The following SWT1 variants were observed in gnomAD, a reference collection of about 807,000 sequenced individuals.
The protein encoded by SWT1 is transcriptional protein SWT1.
A neutral mutation model predicts 107.3 loss-of-function variants in SWT1; 33 were observed. The ratio of observed to expected loss-of-function variants is 0.31; its 90% CI spans 0.23 to 0.41. The LOEUF is 0.41. SWT1 is among the 10% of genes least tolerant of loss of function. The pLI is 1.00. For missense variants in SWT1, 898 were observed against 1,028.9 expected, an observed-to-expected ratio of 0.87 and a Z score of 1.74; for synonymous variants, 345 against 348.3, an observed-to-expected ratio of 0.99 and a Z score of 0.11.
intron 18 of SWT1, among the ~76,000 whole-genome samples, chr1:185,282,379 A>C (rs1209345185): frequency 1.3e-5 from 2 of 151,652 alleles, no homozygotes; most frequent in Non-Finnish European, 2.9e-5. Context: ...GTTTGGTTAA[A>C]AAAAAAAAAT....
intron 17 of SWT1, 35 bp downstream of exon 17, chr1:185,271,424 C>T: frequency 2.8e-6 from 3 of 1,058,806 alleles, no homozygotes; most frequent in Non-Finnish European, 4.3e-6. Flanking sequence ...TATCACATTT[C>T]TACTTTAAAC....
chr1:185,248,908 C>T (rs1010251790), intron 16 of SWT1, among the ~76,000 whole-genome samples: 2 of 152,138 alleles, frequency 1.3e-5, no homozygotes, highest in Non-Finnish European at 2.9e-5. Flanking sequence ...CCTTTACTCT[C>T]ATGTTCTGGT....
chr1:185,176,343 T>G (rs1161524118), intron 5 of SWT1, among the ~76,000 whole-genome samples: 1 of 144,838 alleles, frequency 6.9e-6, no homozygotes, highest in African/African-American at 2.6e-5. Flanking sequence ...GGGAGTAACA[T>G]TTAAACAGAC....
intron 16 of SWT1, among the ~76,000 whole-genome samples, chr1:185,244,108 T>C (rs1237905861): frequency 6.6e-6 from 1 of 151,812 alleles, no homozygotes; most frequent in Non-Finnish European, 1.5e-5. Context: ...ATTCTTTTTC[T>C]TAAAAAAAAA....
intron 18 of SWT1, chr1:185,280,765 AG>A (rs1482716526): frequency 1.5e-5 from 4 of 268,320 alleles, no homozygotes; most frequent in Non-Finnish European, 3.0e-5. Flanking sequence ...CTGGGCCTGG[AG>A]GAGCTGAGAG....
intron 5 of SWT1, among the ~76,000 whole-genome samples, chr1:185,175,639 G>A (rs1253669295): frequency 6.6e-6 from 1 of 152,074 alleles, no homozygotes; most frequent in East Asian, 1.9e-4. Flanking sequence ...ACTTTTTTAG[G>A]AAGATATTTT....
intron 7 of SWT1, among the ~76,000 whole-genome samples, chr1:185,183,811 G>A (rs1656227166): frequency 2.6e-5 from 4 of 152,114 alleles, no homozygotes; most frequent in Admixed American, 2.6e-4. Context: ...CTTAAGAATC[G>A]AAGTAAAAGC....
rs576618503 is a variant in SWT1 at position 185,208,393 on chromosome 1, T to C, written c.1972+1630T>C. ...TAGGGGATGATAAGAGATTGAGCAA[T>C]ATAAAAAGCTACAGTTAGATAGGAG... On this transcript the variant is annotated intron_variant, in intron 13 of 18. Coordinates refer to ENST00000367500, the MANE Select transcript of SWT1 (RefSeq NM_017673.7). Among the ~76,000 whole-genome samples, 5 of 152,216 alleles carry C rather than the reference T, an allele frequency of 3.3e-5. No homozygotes were observed. In the East Asian group the frequency reaches 9.7e-4, roughly 29 times the overall value.
intron 2 of SWT1, among the ~76,000 whole-genome samples, chr1:185,161,318 T>G (rs185416355): frequency 1.3e-5 from 2 of 152,306 alleles, no homozygotes; most frequent in Non-Finnish European, 2.9e-5. Context: ...TGCATTCTTA[T>G]CAGTCAGAAT....
chr1:185,215,001 A>G (rs933753173), intron 14 of SWT1, among the ~76,000 whole-genome samples: 5 of 152,232 alleles, frequency 3.3e-5, no homozygotes, highest in South Asian at 4.1e-4. Context: ...TGTTTTAAAC[A>G]TACAGATGTC....
At chr1:185,221,791 T>A in intron 14 of SWT1, 58 bp from the exon 15 acceptor site, 2 of 1,288,570 alleles carry the variant, frequency 1.6e-6, no homozygotes, top group Non-Finnish European at 2.1e-6. Flanking sequence ...TGCCACTCTC[T>A]TTTTCTCCTC....
intron 12 of SWT1, 49 bp from the exon 13 acceptor site, chr1:185,206,576 T>G (rs757416809): frequency 1.7e-6 from 2 of 1,163,774 alleles, no homozygotes; most frequent in Non-Finnish European, 2.3e-6. Flanking sequence ...TTTTTAATAA[T>G]TGGAATAATA....
chr1:185,234,854 T>G (rs1169774046), intron 16 of SWT1, among the ~76,000 whole-genome samples: 3 of 151,708 alleles, frequency 2.0e-5, no homozygotes, highest in Non-Finnish European at 4.4e-5. Context: ...ATCAAATAGA[T>G]GCAATAAAAA....
chr1:185,254,415 CCT>C (rs1048238245), intron 16 of SWT1, among the ~76,000 whole-genome samples: 1,790 of 129,600 alleles, frequency 0.014, 92 homozygotes, highest in African/African-American at 0.06. Context: ...GTCCTGGACT[CCT>C]TTTGGTTGGT....
chr1:185,169,543 A>G (rs1370143335), intron 4 of SWT1, among the ~76,000 whole-genome samples: 1 of 152,194 alleles, frequency 6.6e-6, no homozygotes, highest in Non-Finnish European at 1.5e-5. Flanking sequence ...ACAGTGCACC[A>G]TTACTGTAAT....
At chr1:185,201,355 G>C (rs1218677096) in intron 10 of SWT1, among the ~76,000 whole-genome samples, 1 of 152,120 alleles carries the variant, frequency 6.6e-6, no homozygotes, top group Non-Finnish European at 1.5e-5. Context: ...CCAGTTTTGT[G>C]CTTGAAACCC....
chr1:185,213,353 G>A (rs1658974789), intron 13 of SWT1, among the ~76,000 whole-genome samples: 1 of 151,986 alleles, frequency 6.6e-6, no homozygotes, highest in African/African-American at 2.4e-5. Context: ...AGAAATGAAA[G>A]TTTTCCTGTA....
At chr1:185,159,769 AG>A (rs1653982467) in intron 1 of SWT1, among the ~76,000 whole-genome samples, 1 of 152,158 alleles carries the variant, frequency 6.6e-6, no homozygotes, top group South Asian at 2.1e-4. Flanking sequence ...CTTGTCACCC[AG>A]GCTGGAGTGC....
At chr1:185,160,119 T>C (rs1471194037) in intron 1 of SWT1, among the ~76,000 whole-genome samples, 1 of 152,166 alleles carries the variant, frequency 6.6e-6, no homozygotes, top group East Asian at 1.9e-4. Context: ...AAAAAAAGCA[T>C]GTGATTTGCC....
Sources: allele counts gnomAD v4.1 joint callset (sites outside exome capture counted in the v4.1 genomes callset), GRCh38; gene constraint gnomAD v4.1.1; transcripts MANE v1.5; gene names NCBI Gene and HGNC (gene_info 2026-07-23, HGNC 2026-07-21).